The following EYS variants were observed in gnomAD, a reference collection of about 807,000 sequenced individuals.
The protein encoded by EYS is protein eyes shut homolog.
A neutral mutation model predicts 282.1 loss-of-function variants in EYS; 250 were observed. The ratio of observed to expected loss-of-function variants is 0.89; its 90% CI spans 0.80 to 0.98. EYS has a LOEUF of 0.98. Ranked by LOEUF, EYS falls within the 50% of genes least tolerant of loss-of-function variation. The probability of loss-of-function intolerance (pLI) is 0.00; values close to 1 mark genes in which losing one functional copy is unlikely to be tolerated. For missense variants in EYS, 4,016 were observed against 3,709.0 expected (o/e 1.08, Z -2.15); for synonymous variants, 1,355 against 1,282.9 (o/e 1.06, Z -1.20).
At chr6:63,954,542 C>T (rs1252694299) in intron 35 of EYS, among the ~76,000 whole-genome samples, 1 of 152,188 alleles carries the variant, frequency 6.6e-6, no homozygotes, top group Non-Finnish European at 1.5e-5. Context: ...CTTCTCAAGG[C>T]CGCTTTACTT....
chr6:65,451,437 C>T (rs780450894), intron 5 of EYS, among the ~76,000 whole-genome samples: 10 of 151,892 alleles, frequency 6.6e-5, no homozygotes, highest in Non-Finnish European at 1.5e-4. Context: ...ACTCAGATGC[C>T]CCTTTAGCAT....
chr6:65,069,757 C>T (rs1312578775), intron 12 of EYS, among the ~76,000 whole-genome samples: 1 of 151,924 alleles, frequency 6.6e-6, no homozygotes, highest in South Asian at 2.1e-4. Flanking sequence ...TCCAAGTTTA[C>T]ATCCTTAGCT....
intron 22 of EYS, among the ~76,000 whole-genome samples, chr6:64,809,109 TA>T (rs1182771684): frequency 6.6e-6 from 1 of 152,018 alleles, no homozygotes; most frequent in Non-Finnish European, 1.5e-5. Context: ...AATAATTCAA[TA>T]AACAAGAGTC....
intron 4 of EYS, among the ~76,000 whole-genome samples, chr6:65,492,247 G>A (rs1766073028): frequency 6.6e-6 from 1 of 151,986 alleles, no homozygotes; most frequent in Non-Finnish European, 1.5e-5. Context: ...CATTATTTAG[G>A]TATTTTATAG....
chr6:63,794,248 A>G, intron 37 of EYS, among the ~76,000 whole-genome samples: 1 of 152,328 alleles, frequency 6.6e-6, no homozygotes, highest in South Asian at 2.1e-4. Context: ...TCCTCTTCTC[A>G]GTAACTCTGG....
chr6:64,788,165 T>C (rs1056054791), intron 22 of EYS, among the ~76,000 whole-genome samples: 5 of 152,186 alleles, frequency 3.3e-5, no homozygotes, highest in Admixed American at 2.0e-4. Flanking sequence ...AAATATCAGA[T>C]TGGAAGTTAT....
At chr6:65,530,402 T>C (rs1767721126) in intron 2 of EYS, among the ~76,000 whole-genome samples, 1 of 152,156 alleles carries the variant, frequency 6.6e-6, no homozygotes, top group Admixed American at 6.5e-5. Context: ...AATGCAGTAA[T>C]GCACATTAGT....
chr6:65,630,603 A>G (rs1766877113), intron 2 of EYS, among the ~76,000 whole-genome samples: 1 of 152,260 alleles, frequency 6.6e-6, no homozygotes, highest in Admixed American at 6.5e-5. Flanking sequence ...TACATTTGAC[A>G]GAACTTCTAA....
chr6:65,382,213 G>GGTTTTTTTTTTTTTTTTTTTTT (rs1765638776), intron 8 of EYS, among the ~76,000 whole-genome samples: 1 of 105,016 alleles, frequency 9.5e-6, no homozygotes, highest in African/African-American at 3.7e-5. Context: ...ATCCTTTGGT[G>GGTTTTTTTTTTTTTTTTTTTTT]TTTTTTTTTT....
intron 29 of EYS, among the ~76,000 whole-genome samples, chr6:64,368,362 T>G (rs1772246366): frequency 2.6e-5 from 4 of 152,166 alleles, no homozygotes; most frequent in Admixed American, 2.6e-4. Context: ...TTTGATTCCA[T>G]GTCTTTGCCT....
chr6:65,573,826 T>A (rs979886791), intron 2 of EYS, among the ~76,000 whole-genome samples: 23 of 152,272 alleles, frequency 1.5e-4, no homozygotes, highest in African/African-American at 3.8e-4. Context: ...CCCATTCTCA[T>A]CTTCTCAACT....
intron 19 of EYS, among the ~76,000 whole-genome samples, chr6:64,875,751 G>T (rs1182950957): frequency 6.6e-6 from 1 of 151,942 alleles, no homozygotes; most frequent in African/African-American, 2.4e-5. Flanking sequence ...TACATAATTT[G>T]TTCTGTAATG....
At chr6:63,954,517 T>G (rs1379143218) in intron 35 of EYS, among the ~76,000 whole-genome samples, 1 of 152,190 alleles carries the variant, frequency 6.6e-6, no homozygotes, top group East Asian at 1.9e-4. Flanking sequence ...CATTAATGCC[T>G]CTTTAATAAA....
chr6:64,371,492 G>A (rs1237894407), intron 29 of EYS, among the ~76,000 whole-genome samples: 1 of 151,904 alleles, frequency 6.6e-6, no homozygotes, highest in Non-Finnish European at 1.5e-5. Flanking sequence ...TATTCTGTTG[G>A]TATTGGGAGG....
At chr6:63,764,038 T>C (rs997199339) in intron 40 of EYS, among the ~76,000 whole-genome samples, 1 of 151,430 alleles carries the variant, frequency 6.6e-6, no homozygotes, top group Non-Finnish European at 1.5e-5. Flanking sequence ...TCCCCCTTTC[T>C]TTCTTCTGAA....
chr6:65,622,263 CTTCT>C (rs71002325), intron 2 of EYS, among the ~76,000 whole-genome samples: 54,401 of 151,590 alleles, frequency 0.36, 11,046 homozygotes, highest in African/African-American at 0.57. Context: ...TTATATTTTT[CTTCT>C]TTATTTCTAC....
rs141455656 is a variant in EYS, at chr6:64,815,415, A to G, written c.3244-1838T>C. On this transcript the variant is annotated intron_variant, in intron 21 of 42. Coordinates refer to ENST00000503581, the MANE Select transcript of EYS (RefSeq NM_001142800.2). ...ACATTACATAAACTAATTGAATTGT[A>G]TCTCCCATGGGAAAATAGGGATAGT... Among the ~76,000 whole-genome samples the G allele has an allele frequency of 6.8e-3, 1,029 of 152,156 alleles. 16 individuals are homozygous for G. The highest frequency in any genetic ancestry group is 0.023 in the African/African-American group (963 of 41,546).
At chr6:65,502,586 G>A (rs1766495411) in intron 2 of EYS, among the ~76,000 whole-genome samples, 2 of 151,434 alleles carry the variant, frequency 1.3e-5, no homozygotes, top group African/African-American at 4.8e-5. Flanking sequence ...GCTTTATTCA[G>A]ACTTTTTCAT....
chr6:63,902,042 A>C (rs1773671749), intron 35 of EYS, among the ~76,000 whole-genome samples: 1 of 152,008 alleles, frequency 6.6e-6, no homozygotes, highest in Admixed American at 6.5e-5. Context: ...ACAGGTACCC[A>C]CCACCACACT....
Sources: gnomAD v4.1 joint callset for allele counts (sites outside exome capture counted in the v4.1 genomes callset) on GRCh38, gnomAD v4.1.1 for gene constraint, MANE v1.5 for transcripts, NCBI Gene and HGNC (gene_info 2026-07-23, HGNC 2026-07-21) for gene names.